Variants in TMEM232 observed in about 807,000 individuals in gnomAD.
TMEM232 encodes transmembrane protein 232.
Under a neutral mutation model 78.8 loss-of-function variants are expected in TMEM232, and 80 were observed. That is an observed-to-expected ratio of 1.01 (90% confidence interval 0.85 to 1.22). The LOEUF is 1.22. Among genes scored for constraint, TMEM232 ranks in the 50% most tolerant of loss-of-function variants. The pLI, the probability that TMEM232 is intolerant of heterozygous loss-of-function variation, is 0.00. For synonymous variants in TMEM232, 297 were observed against 254.3 expected, an observed-to-expected ratio of 1.17 and a Z score of -1.60; for missense variants, 881 against 742.2, an observed-to-expected ratio of 1.19 and a Z score of -2.17.
rs185379705 is a variant in TMEM232 at position 110,608,160 on chromosome 5, T to C, written c.903-1873A>G. On this transcript the variant is annotated intron_variant, in intron 8 of 13. Transcript: ENST00000455884. ...TAATTAGGCATATGTTATAGGGCAA[T>C]TTATGTACCCTACCTCAGTCTTAAT... Among the ~76,000 whole-genome samples, 5 of 151,990 alleles carry C rather than the reference T, an allele frequency of 3.3e-5. No individual in the cohort carries two copies. The East Asian group carries it at 9.7e-4, about 29-fold the overall frequency.
At chr5:110,613,083 A>G (rs1432323867) in intron 8 of TMEM232, among the ~76,000 whole-genome samples, 1 of 151,994 alleles carries the variant, frequency 6.6e-6, no homozygotes, top group East Asian at 1.9e-4. Context: ...TCTTTACTTC[A>G]TTGGCTTTTA....
chr5:110,391,165 G>C (rs1411662769), intron 3 of TMEM232, among the ~76,000 whole-genome samples: 1 of 152,120 alleles, frequency 6.6e-6, no homozygotes, highest in African/African-American at 2.4e-5. Flanking sequence ...TGCATAGCTT[G>C]TAAGTATGTC....
intron 4 of TMEM232, among the ~76,000 whole-genome samples, chr5:110,390,206 C>T (rs933707538): frequency 6.6e-6 from 1 of 152,164 alleles, no homozygotes; most frequent in Non-Finnish European, 1.5e-5. Flanking sequence ...CTCTATCAAA[C>T]ATCAGAAGAG....
chr5:110,587,683 ATATATATATGTG>A (rs1212561434), intron 10 of TMEM232, among the ~76,000 whole-genome samples: 8 of 92,022 alleles, frequency 8.7e-5, no homozygotes, highest in African/African-American at 3.9e-4. Context: ...ATATATATAT[ATATATATATGTG>A]TGTGTGTGTG....
At chr5:110,445,726 C>T (rs1759575376) in intron 12 of TMEM232, among the ~76,000 whole-genome samples, 1 of 152,136 alleles carries the variant, frequency 6.6e-6, no homozygotes, top group African/African-American at 2.4e-5. Context: ...GAGTCACTTA[C>T]AAGCTAATTC....
chr5:110,506,854 A>C (rs2149456603), intron 12 of TMEM232, among the ~76,000 whole-genome samples: 1 of 152,232 alleles, frequency 6.6e-6, no homozygotes, highest in South Asian at 2.1e-4. Context: ...TATTTCCTAA[A>C]TATGTAGTGT....
chr5:110,734,036 G>A (rs985281607), intron 2 of TMEM232, among the ~76,000 whole-genome samples: 1 of 152,190 alleles, frequency 6.6e-6, no homozygotes, highest in African/African-American at 2.4e-5. Context: ...TAGTTGACAT[G>A]TTTGTGATGA....
intron 2 of TMEM232, among the ~76,000 whole-genome samples, chr5:110,649,213 A>T (rs1000840811): frequency 2.6e-5 from 4 of 152,140 alleles, no homozygotes; most frequent in African/African-American, 9.6e-5. Flanking sequence ...TGTAAAGAAA[A>T]AGAAAATTTG....
chr5:110,716,772 T>A lies in TMEM232; in HGVS notation c.-13+9855A>T, dbSNP rs151318620. The stretch of plus-strand genomic sequence containing the variant: ...GTCACTCTTTTTGCCAACTAAACCT[T>A]AGTCCTAAACTTGAAGAAACAGTTC... On this transcript the variant is annotated intron_variant, in intron 1 of 13. Transcript: ENST00000455884. Among the ~76,000 whole-genome samples, 228 of 152,272 alleles carry A rather than the reference T, an allele frequency of 1.5e-3. 1 individual carries two copies. The highest frequency in any genetic ancestry group is 5.4e-3 in the African/African-American group (223 of 41,556).
rs1242609858 is a variant in TMEM232, at chr5:110,389,269, A to AAACAAACAAACAAAACAC, written n.615+1146_615+1147insGTGTTTTGTTTGTTTGTT. ...GAGTAAGATTCCATCTCAAACAAAC[A>AAACAAACAAACAAAACAC]AACAAAACAAAACAAAAACAAAAAG... On this transcript the variant is annotated intron_variant and non_coding_transcript_variant, in intron 4 of 8. Transcript: ENST00000507188. 8.8e-5 allele frequency among the ~76,000 whole-genome samples: 8 copies of AAACAAACAAACAAAACAC among 91,094 alleles called. No homozygotes were observed. The African/African-American group carries it at 1.1e-3, about 12-fold the overall frequency. The allele number at this position is 91,094 out of a possible 152,430, so 59.8% of individuals were successfully genotyped here.
intron 2 of TMEM232, among the ~76,000 whole-genome samples, chr5:110,661,531 C>G (rs1228192188): frequency 6.6e-6 from 1 of 152,034 alleles, no homozygotes; most frequent in East Asian, 1.9e-4. Context: ...AGGCTGGTCT[C>G]AAACTCCTGG....
intron 1 of TMEM232, among the ~76,000 whole-genome samples, chr5:110,717,103 T>G (rs1351861368): frequency 1.3e-5 from 2 of 152,018 alleles, no homozygotes; most frequent in Non-Finnish European, 2.9e-5. Flanking sequence ...ACTGTAAAAT[T>G]TATTCTTCTC....
chr5:110,508,227 C>T lies in TMEM232; in HGVS notation c.1703+20361G>A, dbSNP rs1256765214. Reference sequence around the variant, plus strand: ...CATATCACTTCAGATATGATGGATGCTTAGCAATTACTGATCATATATTGC... The same window carrying T: ...CATATCACTTCAGATATGATGGATGTTTAGCAATTACTGATCATATATTGC... On this transcript the variant is annotated intron_variant, in intron 12 of 13. Coordinates refer to ENST00000455884, the MANE Select transcript of TMEM232 (RefSeq NM_001039763.4). 1.3e-4 allele frequency among the ~76,000 whole-genome samples: 20 copies of T among 152,036 alleles called. No individual in the cohort carries two copies. The South Asian group carries it at 4.2e-3, about 32-fold the overall frequency.
chr5:110,437,302 A>T (rs180870673), intron 12 of TMEM232, among the ~76,000 whole-genome samples: 1 of 152,098 alleles, frequency 6.6e-6, no homozygotes, highest in East Asian at 1.9e-4. Flanking sequence ...TCCACATGTA[A>T]TCTAAATCTG....
At position 110,708,023 on chromosome 5, in the gene TMEM232, A is replaced by G. The variant is rs181616181; in HGVS notation, c.-13+18604T>C. Among the ~76,000 whole-genome samples the G allele has an allele frequency of 1.2e-4, 18 of 152,314 alleles. No homozygotes were observed. The East Asian group carries it at 3.5e-3, about 29-fold the overall frequency. On this transcript the variant is annotated intron_variant, in intron 1 of 13. Transcript: ENST00000455884. ...TAACCAACAGAAATATCCAGGTATT[A>G]CGCCATGAGCCTTGGGTGAGACTCT... is the stretch of plus-strand genomic sequence containing the variant.
chr5:110,635,801 C>A (rs576279579), intron 5 of TMEM232, among the ~76,000 whole-genome samples: 1 of 151,942 alleles, frequency 6.6e-6, no homozygotes, highest in East Asian at 1.9e-4. Flanking sequence ...AATGCATATG[C>A]TATTGGTGGA....
Position 110,606,296 on chromosome 5 carries a change from T to G in TMEM232, c.903-9A>C. 1.3e-6 allele frequency: 2 copies of G among 1,512,722 alleles called. No homozygotes were observed. The highest frequency in any genetic ancestry group is 1.8e-6 in the Non-Finnish European group (2 of 1,126,440). 93.7% of individuals were successfully genotyped at this position (1,512,722 alleles called of 1,614,324 possible). On this transcript the variant is annotated splice_polypyrimidine_tract_variant and intron_variant, in intron 8 of 13. Transcript: ENST00000455884. ...CCAGTACTGAATCCAACCTGAAAAT[T>G]TTATGGACGAAAGGATAAAGATTTT...
chr5:110,576,808 G>C (rs552004960), intron 10 of TMEM232, among the ~76,000 whole-genome samples: 2 of 152,026 alleles, frequency 1.3e-5, no homozygotes, highest in Admixed American at 6.6e-5. Context: ...TCAATAAATG[G>C]TGCTGAGATA....
At chr5:110,395,038 T>G (rs1755333909) in intron 3 of TMEM232, among the ~76,000 whole-genome samples, 1 of 152,160 alleles carries the variant, frequency 6.6e-6, no homozygotes, top group African/African-American at 2.4e-5. Context: ...GTGGGTTAGG[T>G]AATTCTAAGT....
Sources: gnomAD v4.1 joint callset for allele counts (sites outside exome capture counted in the v4.1 genomes callset) on GRCh38, gnomAD v4.1.1 for gene constraint, MANE v1.5 for transcripts, NCBI Gene and HGNC (gene_info 2026-07-23, HGNC 2026-07-21) for gene names.